The following B4GALT6 variants were observed in gnomAD, a reference collection of about 807,000 sequenced individuals.
B4GALT6 encodes the protein beta-1,4-galactosyltransferase 6.
Under a neutral mutation model 46.3 loss-of-function variants are expected in B4GALT6, and 14 were observed. That is an observed-to-expected ratio of 0.30 (90% CI 0.20 to 0.47). The LOEUF (loss-of-function observed/expected upper bound fraction) is 0.47. Among genes scored for constraint, B4GALT6 ranks in the 20% least tolerant of loss-of-function variants. The pLI is 0.99. For synonymous variants in B4GALT6, 168 were observed against 162.0 expected, an observed-to-expected ratio of 1.04 and a Z score of -0.28; for missense variants, 386 against 480.1, an observed-to-expected ratio of 0.80 and a Z score of 1.83.
chr18:31,625,603 A>T lies in B4GALT6; in HGVS notation c.*11T>A, dbSNP rs1234346403. The T allele has an allele frequency of 7.4e-6, 12 of 1,613,452 alleles. No individual in the cohort carries two copies. Among genetic ancestry groups the T allele is most frequent in the Middle Eastern group, 3.3e-4 (2 of 6,078 alleles). On this transcript the variant is annotated 3_prime_UTR_variant, in exon 9 of 9. Coordinates refer to ENST00000306851, the MANE Select transcript of B4GALT6 (RefSeq NM_004775.5). ...GCATTGTGGTCTACCTTGCCACGACAGCCACTTCTTTTAATAGTCTTCGAT... is the reference window on the plus strand; with the variant it reads ...GCATTGTGGTCTACCTTGCCACGACTGCCACTTCTTTTAATAGTCTTCGAT...
At chr18:31,676,365 C>G (rs1451874946) in intron 1 of B4GALT6, among the ~76,000 whole-genome samples, 1 of 152,162 alleles carries the variant, frequency 6.6e-6, no homozygotes, top group Non-Finnish European at 1.5e-5. Context: ...TAGCCAAATG[C>G]TAGGAAATGC....
At chr18:31,651,862 C>G (rs2074073012) in intron 3 of B4GALT6, among the ~76,000 whole-genome samples, 1 of 152,190 alleles carries the variant, frequency 6.6e-6, no homozygotes, top group Non-Finnish European at 1.5e-5. Flanking sequence ...GCTCCACCTC[C>G]TGGGTTCACG....
At chr18:31,697,584 G>A in the B4GALT6 span, among the ~76,000 whole-genome samples, 1 of 151,914 alleles carries the variant, frequency 6.6e-6, no homozygotes, top group South Asian at 2.1e-4. Context: ...TTAGTTTAGG[G>A]GGAACTATTA....
the B4GALT6 span, among the ~76,000 whole-genome samples, chr18:31,699,621 A>G: frequency 1.5e-5 from 2 of 136,838 alleles, no homozygotes; most frequent in African/African-American, 2.7e-5. Flanking sequence ...TACACTTCCC[A>G]TGAGTCTCTT....
At chr18:31,658,334 C>T in intron 2 of B4GALT6, 1 of 311,416 alleles carries the variant, frequency 3.2e-6, no homozygotes, top group Non-Finnish European at 6.0e-6. Flanking sequence ...ACATGGCAGT[C>T]CCACTTGCAA....
At chr18:31,697,269 C>G in the B4GALT6 span, among the ~76,000 whole-genome samples, 1 of 151,802 alleles carries the variant, frequency 6.6e-6, no homozygotes, top group African/African-American at 2.4e-5. Context: ...CTGTCTCCCC[C>G]ACCCTGAAAA....
the B4GALT6 span, chr18:31,724,533 C>T: frequency 2.0e-6 from 2 of 1,018,722 alleles, no homozygotes; most frequent in Non-Finnish European, 2.4e-6. Context: ...AGCTCCGCTT[C>T]AGGAATCGAC....
intron 5 of B4GALT6, among the ~76,000 whole-genome samples, chr18:31,635,242 CAAACAAAA>C (rs2144529353): frequency 6.7e-6 from 1 of 149,076 alleles, no homozygotes; most frequent in Non-Finnish European, 1.5e-5. Context: ...AACAAACAAA[CAAACAAAA>C]AAAAAAAAAA....
In B4GALT6 at chr18:31,624,407, T is replaced by C. The variant is rs2073659568; in HGVS notation, c.*1207A>G. ...AGTAATTAACACCAGAGATATAATC[T>C]CTTAAAAGTGAAAAAAACAAAATAT... On this transcript the variant is annotated 3_prime_UTR_variant, in exon 9 of 9. Coordinates refer to ENST00000306851, the MANE Select transcript of B4GALT6 (RefSeq NM_004775.5). 6.6e-6 allele frequency: 1 copy of C among 151,944 alleles called. No homozygotes were observed. Among genetic ancestry groups the C allele is most frequent in the African/African-American group, 2.4e-5 (1 of 41,422 alleles). The allele number at this position is 151,944 out of a possible 1,614,324, so 9.4% of individuals were successfully genotyped here. A position where few individuals can be genotyped will look rare whatever the true frequency, so the allele number is the denominator to read the frequency against.
chr18:31,673,442 G>A (rs2074380249), intron 1 of B4GALT6, among the ~76,000 whole-genome samples: 1 of 152,266 alleles, frequency 6.6e-6, no homozygotes, highest in South Asian at 2.1e-4. Flanking sequence ...CCCAGGCGGA[G>A]TGAGGGCAGA....
the B4GALT6 span, among the ~76,000 whole-genome samples, chr18:31,695,029 A>G: frequency 1.3e-5 from 2 of 152,342 alleles, no homozygotes; most frequent in South Asian, 2.1e-4. Context: ...ACTTCATCGT[A>G]TAATAATTCT....
intron 1 of B4GALT6, among the ~76,000 whole-genome samples, 181 bp from the exon 2 acceptor site, chr18:31,666,553 T>C (rs1414220855): frequency 6.6e-6 from 1 of 152,030 alleles, no homozygotes. Context: ...ACAAACTGAT[T>C]TTTTAAGAAT....
At chr18:31,696,559 T>G in the B4GALT6 span, among the ~76,000 whole-genome samples, 1 of 152,220 alleles carries the variant, frequency 6.6e-6, no homozygotes, top group Non-Finnish European at 1.5e-5. Context: ...ATTATTGGTG[T>G]CTGTTTCTCA....
chr18:31,625,597 C>T lies in B4GALT6; in HGVS notation c.*17G>A. On this transcript the variant is annotated 3_prime_UTR_variant, in exon 9 of 9. Coordinates refer to ENST00000306851, the MANE Select transcript of B4GALT6 (RefSeq NM_004775.5). ...GATCCAGCATTGTGGTCTACCTTGC[C>T]ACGACAGCCACTTCTTTTAATAGTC... is the stretch of plus-strand genomic sequence containing the variant. 1.9e-6 allele frequency: 3 copies of T among 1,613,342 alleles called. No homozygotes were observed. Among genetic ancestry groups the T allele is most frequent in the Non-Finnish European group, 2.5e-6 (3 of 1,179,770 alleles).
At chr18:31,685,624 C>A, upstream of B4GALT6, 1 of 152,634 alleles carries the variant, frequency 6.6e-6, no homozygotes, top group South Asian at 1.9e-4. Context: ...CCGCCGCCCC[C>A]GCCCGCCCGG....
intron 1 of B4GALT6, among the ~76,000 whole-genome samples, chr18:31,682,677 A>C (rs1450268708): frequency 6.6e-6 from 1 of 152,234 alleles, no homozygotes; most frequent in Non-Finnish European, 1.5e-5. Context: ...TAACTTTAAC[A>C]TGTTACTCAT....
At chr18:31,682,887 T>C (rs893485067) in intron 1 of B4GALT6, among the ~76,000 whole-genome samples, 11 of 152,092 alleles carry the variant, frequency 7.2e-5, no homozygotes, top group Non-Finnish European at 1.2e-4. Flanking sequence ...AGAAAGCTCT[T>C]GTTGAGTATC....
At chr18:31,685,222 C>T (rs1311750745), upstream of B4GALT6, among the ~76,000 whole-genome samples, 1 of 150,498 alleles carries the variant, frequency 6.6e-6, no homozygotes, top group Non-Finnish European at 1.5e-5. Flanking sequence ...GCGGCAGCGG[C>T]ATTACCGCCG....
In B4GALT6 at chr18:31,647,087, CAAAG is replaced by C. The variant is rs2073999964; in HGVS notation, c.347-1612_347-1609del. On this transcript the variant is annotated intron_variant, in intron 3 of 8. Coordinates refer to ENST00000306851, the MANE Select transcript of B4GALT6 (RefSeq NM_004775.5). ...GTACAGACTATCATGACTCAGCTGA[CAAAG>C]AACAGAATCTAACATTGTAATCAAA... 5.3e-5 allele frequency among the ~76,000 whole-genome samples: 8 copies of C among 152,216 alleles called. No individual in the cohort carries two copies. The South Asian group carries it at 1.5e-3, about 28-fold the overall frequency.
Sources: allele counts gnomAD v4.1 joint callset (sites outside exome capture counted in the v4.1 genomes callset), GRCh38; gene constraint gnomAD v4.1.1; transcripts MANE v1.5; gene names NCBI Gene and HGNC (gene_info 2026-07-23, HGNC 2026-07-21).